The following GPHN variants were observed in gnomAD, a reference collection of about 807,000 sequenced individuals.
GPHN encodes the protein gephyrin.
Under a neutral mutation model 95.5 loss-of-function variants are expected in GPHN, and 17 were observed. That is an observed-to-expected ratio of 0.18 (90% CI 0.12 to 0.27). The LOEUF (loss-of-function observed/expected upper bound fraction) is 0.27, where lower values mean the gene tolerates loss of function less well. Ranked by LOEUF, GPHN falls within the 10% of genes least tolerant of loss-of-function variation. GPHN has a pLI of 1.00. For synonymous variants in GPHN, 320 were observed against 322.5 expected, an observed-to-expected ratio of 0.99 and a Z score of 0.08; for missense variants, 660 against 978.1, an observed-to-expected ratio of 0.67 and a Z score of 4.34.
chr14:67,174,047 T>G (rs1012474818), intron 21 of GPHN, among the ~76,000 whole-genome samples: 40 of 152,210 alleles, frequency 2.6e-4, no homozygotes, highest in Non-Finnish European at 3.1e-4. Flanking sequence ...AGAAGGCCTG[T>G]AAGACTTACG....
the GPHN span, chr14:67,656,276 T>C: frequency 2.4e-6 from 2 of 824,232 alleles, no homozygotes. Flanking sequence ...TAAATAAAAA[T>C]TGAGAAAAGC....
the GPHN span, among the ~76,000 whole-genome samples, chr14:67,529,295 G>C: frequency 7.4e-4 from 112 of 152,224 alleles, no homozygotes; most frequent in African/African-American, 2.6e-3. Context: ...GAATGTATGT[G>C]GTAACTGCAT....
At chr14:66,646,918 A>G (rs7156357) in intron 1 of GPHN, among the ~76,000 whole-genome samples, 38,281 of 151,920 alleles carry the variant, frequency 0.25, 9,734 homozygotes, top group African/African-American at 0.62. Context: ...TTTTACAGTG[A>G]CACGGTCTCA....
intron 1 of GPHN, among the ~76,000 whole-genome samples, chr14:66,533,980 T>C (rs2059038110): frequency 6.6e-6 from 1 of 152,146 alleles, no homozygotes. Context: ...TTATTTGAGC[T>C]TACGTATCTA....
At chr14:67,231,010 C>A in the GPHN span, among the ~76,000 whole-genome samples, 2 of 152,136 alleles carry the variant, frequency 1.3e-5, no homozygotes, top group African/African-American at 4.8e-5. Flanking sequence ...TAGTCAGTAG[C>A]CTTCTCGATG....
intron 1 of GPHN, among the ~76,000 whole-genome samples, chr14:66,624,464 T>G (rs964045112): frequency 1.3e-4 from 20 of 152,184 alleles, no homozygotes; most frequent in African/African-American, 4.6e-4. Context: ...CTCTATTAAA[T>G]AAACGGTTGG....
chr14:66,658,719 A>T (rs2065453563), intron 1 of GPHN, among the ~76,000 whole-genome samples: 1 of 152,204 alleles, frequency 6.6e-6, no homozygotes, highest in South Asian at 2.1e-4. Context: ...AGTATAGCAT[A>T]AACATAACTT....
At chr14:67,339,851 C>A in the GPHN span, among the ~76,000 whole-genome samples, 1 of 152,056 alleles carries the variant, frequency 6.6e-6, no homozygotes, top group Non-Finnish European at 1.5e-5. Context: ...GTAATCCCAG[C>A]ACTTTGGCAG....
At chr14:67,440,021 A>G in the GPHN span, among the ~76,000 whole-genome samples, 4 of 152,082 alleles carry the variant, frequency 2.6e-5, no homozygotes, top group African/African-American at 9.7e-5. Context: ...TTTTTGGTAG[A>G]GACAGGGTTT....
At chr14:67,124,366 A>G (rs768269533) in intron 17 of GPHN, among the ~76,000 whole-genome samples, 29 of 152,224 alleles carry the variant, frequency 1.9e-4, no homozygotes, top group Admixed American at 9.8e-4. Context: ...AGACTGCACC[A>G]TTGCACTCCA....
At position 66,879,953 on chromosome 14, in the gene GPHN, A is replaced by G; in HGVS notation, c.309A>G (p.Val103=). The G allele has an allele frequency of 6.2e-7, 1 of 1,607,712 alleles. No homozygotes were observed. Among genetic ancestry groups the G allele is most frequent in the Non-Finnish European group, 8.5e-7 (1 of 1,174,526 alleles). Residue 103 remains valine (V), a synonymous_variant, in exon 5 of 23, where the codon GTA becomes GTG. Transcript: ENST00000478722. ...TTTAATTACAGGCCACAAAAGAAGT[A>G]ATAGAACGGGAAGCACCAGGGATGG... The part of the protein sequence containing the change: ...RDVTPEATKE[V]IEREAPGMAL...
At chr14:66,736,958 T>A (rs1347322257) in intron 2 of GPHN, among the ~76,000 whole-genome samples, 1 of 152,200 alleles carries the variant, frequency 6.6e-6, no homozygotes, top group Non-Finnish European at 1.5e-5. Flanking sequence ...TCCTTTCATC[T>A]GTATCTGATC....
the GPHN span, among the ~76,000 whole-genome samples, chr14:67,237,486 CTT>C: frequency 6.8e-6 from 1 of 147,458 alleles, no homozygotes. Context: ...TCCTCCAAAA[CTT>C]TTTTTTTTTA....
the GPHN span, among the ~76,000 whole-genome samples, chr14:67,399,402 G>T: frequency 4.3e-5 from 6 of 138,844 alleles, no homozygotes; most frequent in African/African-American, 1.8e-4. Context: ...GTTTAGGTGG[G>T]TCTCAGGTGG....
chr14:67,625,407 G>A, the GPHN span, among the ~76,000 whole-genome samples: 5 of 152,076 alleles, frequency 3.3e-5, no homozygotes, highest in Admixed American at 6.6e-5. Flanking sequence ...GGCCAGGCAC[G>A]GTGGCTCACG....
rs188531686 is a variant in GPHN, at chr14:66,996,103, T to A, written c.964-27530T>A. On this transcript the variant is annotated intron_variant, in intron 9 of 22. Coordinates refer to ENST00000478722, the MANE Select transcript of GPHN (RefSeq NM_020806.5). ...CAAGTGTGTTGGTGATGGAGCCATC[T>A]AAACCCTCTGTGACCCTTACTATGC... The A allele has an allele frequency of 3.6e-3, 3,650 of 1,015,594 alleles. 10 individuals are homozygous for A. Among genetic ancestry groups the A allele is most frequent in the Non-Finnish European group, 5.1e-3 (3,421 of 671,830 alleles). 62.9% of individuals were successfully genotyped at this position (1,015,594 alleles called of 1,614,324 possible).
the GPHN span, among the ~76,000 whole-genome samples, chr14:67,393,686 T>C: frequency 6.6e-6 from 1 of 152,132 alleles, no homozygotes. Flanking sequence ...ACTCCTGACC[T>C]CAAGTGATCC....
At chr14:66,789,328 T>C (rs1456904490) in intron 3 of GPHN, among the ~76,000 whole-genome samples, 1 of 152,248 alleles carries the variant, frequency 6.6e-6, no homozygotes, top group Admixed American at 6.5e-5. Context: ...CATGTAAAAC[T>C]GTTTCTTCAG....
At chr14:66,575,226 C>G (rs1368440708) in intron 1 of GPHN, among the ~76,000 whole-genome samples, 1 of 151,364 alleles carries the variant, frequency 6.6e-6, no homozygotes, top group Non-Finnish European at 1.5e-5. Flanking sequence ...GATTTTTTTT[C>G]CCTCTCACTT....
Sources: allele counts gnomAD v4.1 joint callset (sites outside exome capture counted in the v4.1 genomes callset), GRCh38; gene constraint gnomAD v4.1.1; transcripts MANE v1.5; gene names NCBI Gene and HGNC (gene_info 2026-07-23, HGNC 2026-07-21).